Variants in ZCCHC10 observed in about 807,000 individuals in gnomAD.
ZCCHC10 encodes zinc finger CCHC domain-containing protein 10.
Under a neutral mutation model 19.5 loss-of-function variants are expected in ZCCHC10, and 16 were observed. The observed-to-expected ratio is 0.82, with a 90% CI of 0.56 to 1.25. ZCCHC10 has a LOEUF of 1.25. Among genes scored for constraint, ZCCHC10 ranks in the 50% most tolerant of loss-of-function variants. The pLI is 0.00. For synonymous variants in ZCCHC10, 67 were observed against 72.5 expected, an observed-to-expected ratio of 0.92 and a Z score of 0.38; for missense variants, 197 against 201.0, an observed-to-expected ratio of 0.98 and a Z score of 0.12.
chr5:133,026,285 C>T (rs1490206980), intron 1 of ZCCHC10, among the ~76,000 whole-genome samples: 2 of 152,222 alleles, frequency 1.3e-5, no homozygotes, highest in East Asian at 1.9e-4. Flanking sequence ...CCGCTCTGTC[C>T]CGTGCCGCAG....
chr5:133,022,615 G>C (rs1299995240), intron 2 of ZCCHC10, among the ~76,000 whole-genome samples: 1 of 152,054 alleles, frequency 6.6e-6, no homozygotes, highest in Non-Finnish European at 1.5e-5. Flanking sequence ...ACCACATCCA[G>C]CTAATTTTTG....
rs374578006 is a variant in ZCCHC10 at position 133,000,184 on chromosome 5, C to T, written c.270-11G>A. The stretch of plus-strand genomic sequence containing the variant: ...TTGGTTTCTCCAATGCTGATAAACA[C>T]GAGGGGGAAAAAAGCTCCTGTTAAT... On this transcript the variant is annotated splice_polypyrimidine_tract_variant and intron_variant, in intron 3 of 4. Transcript: ENST00000509437. 279 of 1,612,688 alleles carry T rather than the reference C, an allele frequency of 1.7e-4. No individual in the cohort carries two copies. The highest frequency in any genetic ancestry group is 4.6e-4 in the South Asian group (42 of 90,868).
At chr5:133,013,061 T>TA (rs368155320) in intron 2 of ZCCHC10, among the ~76,000 whole-genome samples, 384 of 113,080 alleles carry the variant, frequency 3.4e-3, no homozygotes, top group Middle Eastern at 9.8e-3. Context: ...AAAAAAAAAT[T>TA]AAAAAAAAAA....
chr5:133,020,710 C>G (rs1335456969), intron 2 of ZCCHC10, among the ~76,000 whole-genome samples: 1 of 150,232 alleles, frequency 6.7e-6, no homozygotes, highest in Non-Finnish European at 1.5e-5. Context: ...CTACCAGCAA[C>G]AACTGAAACT....
Position 132,998,446 on chromosome 5 carries a change from A to C in ZCCHC10, c.*137T>G. The stretch of plus-strand genomic sequence containing the variant: ...TTATTAATATTCTCTATGCTCTTAC[A>C]ATGTAAAACATTTAGAAACTTTTGA... On this transcript the variant is annotated 3_prime_UTR_variant, in exon 5 of 5. Transcript: ENST00000509437. 1.4e-6 allele frequency: 1 copy of C among 715,620 alleles called. No individual in the cohort carries two copies. The highest frequency in any genetic ancestry group is 2.3e-6 in the Non-Finnish European group (1 of 442,148). 44.3% of individuals were successfully genotyped at this position (715,620 alleles called of 1,614,324 possible).
intron 2 of ZCCHC10, among the ~76,000 whole-genome samples, chr5:133,011,886 C>T (rs1177491414): frequency 6.6e-6 from 1 of 151,736 alleles, no homozygotes; most frequent in Non-Finnish European, 1.5e-5. Flanking sequence ...TCCCAGCGCT[C>T]TGGGAGGCCA....
intron 2 of ZCCHC10, among the ~76,000 whole-genome samples, chr5:133,013,636 C>T (rs1302962565): frequency 2.0e-5 from 3 of 151,970 alleles, no homozygotes; most frequent in East Asian, 3.9e-4. Context: ...GCAGGAGAAT[C>T]GCTTGAACCC....
chr5:133,008,181 C>T (rs538660032), intron 2 of ZCCHC10, among the ~76,000 whole-genome samples: 31 of 143,638 alleles, frequency 2.2e-4, no homozygotes, highest in Non-Finnish European at 3.6e-4. Context: ...GCCGAGATTG[C>T]GCCACTGCAC....
chr5:133,004,110 T>A (rs189469958), intron 3 of ZCCHC10, among the ~76,000 whole-genome samples: 2 of 152,314 alleles, frequency 1.3e-5, no homozygotes, highest in African/African-American at 4.8e-5. Flanking sequence ...ATCAATTAAA[T>A]TCCTATTTTT....
intron 2 of ZCCHC10, among the ~76,000 whole-genome samples, chr5:133,018,709 G>A (rs1764092299): frequency 6.6e-6 from 1 of 152,164 alleles, no homozygotes; most frequent in South Asian, 2.1e-4. Flanking sequence ...CGTCCAGCCT[G>A]CGCTGCATTT....
chr5:133,017,282 C>T (rs950930222), intron 2 of ZCCHC10, among the ~76,000 whole-genome samples: 11 of 152,248 alleles, frequency 7.2e-5, no homozygotes, highest in African/African-American at 2.6e-4. Context: ...TGCATAGACA[C>T]CTAGTGTGCT....
At chr5:133,023,618 T>C (rs1764475516) in intron 1 of ZCCHC10, among the ~76,000 whole-genome samples, 1 of 151,756 alleles carries the variant, frequency 6.6e-6, no homozygotes, top group South Asian at 2.1e-4. Flanking sequence ...CTACTAAAAA[T>C]ACAAAATTAG....
intron 2 of ZCCHC10, among the ~76,000 whole-genome samples, chr5:133,020,601 G>A (rs1252093195): frequency 7.2e-6 from 1 of 138,570 alleles, no homozygotes; most frequent in Non-Finnish European, 1.5e-5. Context: ...TAGCCTGTCT[G>A]ACAAAGCAAA....
rs527338035 is a variant in ZCCHC10 at position 133,007,534 on chromosome 5, C to A, written c.108-614G>T. On this transcript the variant is annotated intron_variant, in intron 2 of 4. Coordinates refer to ENST00000509437, the MANE Select transcript of ZCCHC10 (RefSeq NM_001300816.3). The stretch of plus-strand genomic sequence containing the variant: ...CTCCAGCCTGGGCAACAGAGCGAGA[C>A]TCCGTCTCACAAAAAAAAAAAAAAA... Among the ~76,000 whole-genome samples the A allele has an allele frequency of 2.2e-3, 321 of 144,580 alleles. 1 individual carries two copies. The highest frequency in any genetic ancestry group is 3.7e-3 in the Non-Finnish European group (248 of 66,574). The allele number at this position is 144,580 out of a possible 152,430, so 94.9% of individuals were successfully genotyped here.
At chr5:133,024,719 T>C (rs896808507) in intron 1 of ZCCHC10, among the ~76,000 whole-genome samples, 1 of 152,124 alleles carries the variant, frequency 6.6e-6, no homozygotes, top group African/African-American at 2.4e-5. Flanking sequence ...CTGACCAACA[T>C]GGTGAAACCC....
At chr5:133,006,119 G>C (rs1763105164) in intron 3 of ZCCHC10, among the ~76,000 whole-genome samples, 1 of 147,054 alleles carries the variant, frequency 6.8e-6, no homozygotes, top group Admixed American at 6.9e-5. Context: ...TGAGTAGCTG[G>C]GATTACAGGT....
chr5:133,002,714 C>G (rs1192540473), intron 3 of ZCCHC10, among the ~76,000 whole-genome samples: 1 of 146,844 alleles, frequency 6.8e-6, no homozygotes, highest in Non-Finnish European at 1.5e-5. Context: ...ACATTTTTAA[C>G]AGCTGATACT....
intron 4 of ZCCHC10, 26 bp downstream of exon 4, chr5:133,000,106 T>C: frequency 6.2e-7 from 1 of 1,611,748 alleles, no homozygotes; most frequent in Non-Finnish European, 8.5e-7. Context: ...ATGTTATCTA[T>C]AAAACACTGC....
intron 2 of ZCCHC10, among the ~76,000 whole-genome samples, chr5:133,014,845 G>A (rs866946826): frequency 6.6e-5 from 10 of 152,196 alleles, no homozygotes; most frequent in Admixed American, 2.6e-4. Context: ...GGTATAATGC[G>A]TGATTACACA....
Sources: gnomAD v4.1 joint callset for allele counts (sites outside exome capture counted in the v4.1 genomes callset) on GRCh38, gnomAD v4.1.1 for gene constraint, MANE v1.5 for transcripts, NCBI Gene and HGNC (gene_info 2026-07-23, HGNC 2026-07-21) for gene names.